SPATA13: variants seen among roughly 807,000 people sequenced by gnomAD.
SPATA13 encodes spermatogenesis associated 13, also known as spermatogenesis-associated protein 13.
In SPATA13, 50 loss-of-function variants were observed where a neutral mutation model predicts 104.0. That is an observed-to-expected ratio of 0.48 (90% CI 0.38 to 0.61). SPATA13 has a LOEUF of 0.61. Ranked by LOEUF, SPATA13 falls within the 20% of genes least tolerant of loss-of-function variation. The pLI is 0.00. For synonymous variants in SPATA13, 606 were observed against 667.5 expected, an observed-to-expected ratio of 0.91 and a Z score of 1.42; for missense variants, 1,524 against 1,690.6, an observed-to-expected ratio of 0.90 and a Z score of 1.73.
chr13:24,251,670 G>A, intron 3 of SPATA13, 48 bp from the exon 4 acceptor site: 1 of 1,605,700 alleles, frequency 6.2e-7, no homozygotes, highest in South Asian at 1.1e-5. Context: ...GCTTGCAAGA[G>A]CTGCCACTTC....
chr13:24,136,282 G>A (rs1390632875), intron 3 of SPATA13, among the ~76,000 whole-genome samples: 6 of 152,156 alleles, frequency 3.9e-5, no homozygotes, highest in African/African-American at 1.2e-4. Context: ...TTTGAGACCA[G>A]CCTGAGCAAC....
rs137983843 is a variant in SPATA13, at chr13:24,053,797, T to C, written c.-112+36096T>C. Among the ~76,000 whole-genome samples, 254 of 152,292 alleles carry C rather than the reference T, an allele frequency of 1.7e-3. 1 individual carries two copies. The highest frequency in any genetic ancestry group is 2.9e-3 in the Non-Finnish European group (197 of 68,008). The stretch of plus-strand genomic sequence containing the variant: ...ATTTTAAGACACCAAAACAACCCCT[T>C]AGTTTTCTTGATGGCTGTTTGAAAC... On this transcript the variant is annotated intron_variant, in intron 3 of 14. Transcript: ENST00000424834.
intron 4 of SPATA13, chr13:24,278,584 T>C: frequency 7.2e-7 from 1 of 1,391,430 alleles, no homozygotes; most frequent in Non-Finnish European, 9.3e-7. Flanking sequence ...AGCCACATCT[T>C]GCAATTCTAT....
At chr13:24,198,719 G>C (rs1870229617) in intron 1 of SPATA13, among the ~76,000 whole-genome samples, 1 of 152,128 alleles carries the variant, frequency 6.6e-6, no homozygotes, top group African/African-American at 2.4e-5. Flanking sequence ...TGCCAAGTCT[G>C]GGTCGTCCTG....
At position 23,987,712 on chromosome 13, in the gene SPATA13, T is replaced by A. The variant is rs1227715693; in HGVS notation, c.-147+3779T>A. ...AGCACATTCACATTATTGTGCAACC[T>A]TCACCTCCATCCATCTGCAGAACTC... On this transcript the variant is annotated intron_variant, in intron 2 of 14. Transcript: ENST00000424834. Among the ~76,000 whole-genome samples the A allele has an allele frequency of 2.0e-5, 3 of 152,268 alleles. No individual in the cohort carries two copies. The East Asian group carries it at 5.8e-4, about 29-fold the overall frequency.
chr13:24,208,708 T>G (rs2861543), intron 1 of SPATA13, among the ~76,000 whole-genome samples: 101,917 of 151,216 alleles, frequency 0.67, 34,560 homozygotes, highest in South Asian at 0.83. Flanking sequence ...CCAAAAGAAA[T>G]CCCTGACAGT....
intron 3 of SPATA13, among the ~76,000 whole-genome samples, chr13:24,100,749 C>T (rs1395123479): frequency 6.6e-6 from 1 of 152,072 alleles, no homozygotes; most frequent in Non-Finnish European, 1.5e-5. Flanking sequence ...GCAGATTTTG[C>T]TCTTACCTGA....
chr13:24,227,392 A>G (rs1474576216), intron 2 of SPATA13, among the ~76,000 whole-genome samples: 1 of 152,168 alleles, frequency 6.6e-6, no homozygotes, highest in African/African-American at 2.4e-5. Flanking sequence ...TTTTATATGT[A>G]TATTTGCTAT....
rs1216360951 is a variant in SPATA13, at chr13:24,223,384, C to G, written c.455C>G (p.Ala152Gly). Residue 152 changes from alanine to glycine, a missense_variant, in exon 2 of 13, where the codon GCT becomes GGT. Around this residue, in one of 2 missense-constraint regions of SPATA13, gnomAD observed 1,089 missense variants for 1,135.9 expected, o/e 0.96. Transcript: ENST00000382108. ...CTGGGAAAGTCCATCCCAAATGGCG[C>G]TGTCCCAGGAGCCCAGGCAAGCAGG... is the stretch of plus-strand genomic sequence containing the variant. ...HGLGKSIPNG[A>G]VPGAQASRGS... The G allele has an allele frequency of 6.4e-6, 10 of 1,551,348 alleles. No homozygotes were observed. The highest frequency in any genetic ancestry group is 7.0e-6 in the Non-Finnish European group (8 of 1,146,992).
intron 3 of SPATA13, among the ~76,000 whole-genome samples, chr13:24,091,537 C>A (rs1484081495): frequency 6.6e-6 from 1 of 152,230 alleles, no homozygotes. Flanking sequence ...AGGCTGGATG[C>A]AATGGCTCAT....
intron 4 of SPATA13, among the ~76,000 whole-genome samples, chr13:24,283,754 G>C (rs1433621429): frequency 2.0e-5 from 3 of 152,196 alleles, no homozygotes; most frequent in Non-Finnish European, 2.9e-5. Context: ...GCAGAATATT[G>C]GATCATCTTT....
At position 24,224,389 on chromosome 13, in the gene SPATA13, G is replaced by T; in HGVS notation, c.1460G>T (p.Cys487Phe). The change falls in exon 2 of 13, where the codon TGT becomes TTT. Residue 487 changes from cysteine to phenylalanine, a missense_variant. Cys to Phe is a radical substitution (Grantham distance 205, BLOSUM62 -2). Transcript: ENST00000382108. ...PQSPGAGSAS[C>F]HSNHSALSAN... is the part of the protein sequence containing the mutation. ...AGCCCCGGGGCAGGAAGTGCCAGCTGTCACAGCAATCACAGTGCCCTGTCC... is the reference window on the plus strand; with the variant it reads ...AGCCCCGGGGCAGGAAGTGCCAGCTTTCACAGCAATCACAGTGCCCTGTCC... The T allele has an allele frequency of 1.3e-6, 2 of 1,551,728 alleles. No homozygotes were observed. Among genetic ancestry groups the T allele is most frequent in the Non-Finnish European group, 1.7e-6 (2 of 1,147,010 alleles).
chr13:24,271,646 C>A (rs1874619565), intron 4 of SPATA13, among the ~76,000 whole-genome samples: 1 of 152,182 alleles, frequency 6.6e-6, no homozygotes, highest in Non-Finnish European at 1.5e-5. Flanking sequence ...TAAGAAAAAA[C>A]AAGACTTCAC....
chr13:24,079,093 GGAGGAT>G (rs1235028911), intron 3 of SPATA13, among the ~76,000 whole-genome samples: 1 of 152,166 alleles, frequency 6.6e-6, no homozygotes, highest in East Asian at 1.9e-4. Context: ...ATCTGATAAC[GGAGGAT>G]GAGTAGGAGG....
At chr13:24,108,249 T>A (rs1880519343) in intron 3 of SPATA13, among the ~76,000 whole-genome samples, 2 of 152,248 alleles carry the variant, frequency 1.3e-5, no homozygotes, top group Admixed American at 1.3e-4. Flanking sequence ...AATGCCAACA[T>A]ATTGTTGATT....
At chr13:24,191,537 T>C (rs1214487929) in intron 1 of SPATA13, among the ~76,000 whole-genome samples, 1 of 139,394 alleles carries the variant, frequency 7.2e-6, no homozygotes, top group African/African-American at 2.8e-5. Flanking sequence ...TGAGATGGAG[T>C]CTTGCTCTGT....
chr13:24,179,708 T>C (rs566556692), intron 1 of SPATA13, among the ~76,000 whole-genome samples: 28 of 152,360 alleles, frequency 1.8e-4, no homozygotes, highest in Non-Finnish European at 1.3e-4. Flanking sequence ...CCAGCTTAAC[T>C]AATGTGTCTG....
chr13:24,117,040 T>C (rs1880869848), intron 3 of SPATA13, among the ~76,000 whole-genome samples: 2 of 152,204 alleles, frequency 1.3e-5, no homozygotes, highest in Admixed American at 1.3e-4. Context: ...AAAGTTAATG[T>C]CTATTATTTA....
upstream of SPATA13, among the ~76,000 whole-genome samples, chr13:24,158,924 C>T (rs551821182): frequency 3.9e-5 from 6 of 152,272 alleles, no homozygotes; most frequent in South Asian, 6.2e-4. Context: ...CATCTGAGGG[C>T]CAGGCCTGTT....
Sources: allele counts gnomAD v4.1 joint callset (sites outside exome capture counted in the v4.1 genomes callset), GRCh38; gene constraint gnomAD v4.1.1; regional missense constraint gnomAD v4.1.1; transcripts MANE v1.5; gene names NCBI Gene and HGNC (gene_info 2026-07-23, HGNC 2026-07-21).